The following PABIR3 variants were observed in gnomAD, a reference collection of about 807,000 sequenced individuals.
PABIR3 encodes PABIR family member 3.
A neutral mutation model predicts 23.1 loss-of-function variants in PABIR3; 20 were observed. That is an observed-to-expected ratio of 0.86 (90% CI 0.61 to 1.26). The LOEUF is 1.26. Ranked by LOEUF, PABIR3 falls within the 50% of genes most tolerant of loss-of-function variation. The pLI, the probability that PABIR3 is intolerant of heterozygous loss-of-function variation, is 0.00. For missense variants in PABIR3, 189 were observed against 195.4 expected, an observed-to-expected ratio of 0.97 and a Z score of 0.20; for synonymous variants, 69 against 68.5, an observed-to-expected ratio of 1.01 and a Z score of -0.04.
chrX:134,810,316 A>G, intron 2 of PABIR3: 1 of 754,319 alleles, frequency 1.3e-6, no homozygotes, highest in Non-Finnish European at 1.6e-6. Context: ...TTTTTTGCTT[A>G]TATTAGAGCA....
chrX:134,843,761 G>T (rs1569460171), intron 4 of PABIR3, among the ~76,000 whole-genome samples: 1 of 107,534 alleles, frequency 9.3e-6, no homozygotes, highest in South Asian at 4.1e-4. Context: ...TAGAGACGGG[G>T]TTTCACCATG....
chrX:134,838,659 T>TCCCCCC (rs1569457862), intron 4 of PABIR3: 4 of 1,487 alleles, frequency 2.7e-3, no homozygotes, highest in African/African-American at 3.6e-3. Flanking sequence ...CCCCTCCCCC[T>TCCCCCC]CCCCCCTCCC....
chrX:134,851,257 C>T (rs192483330), intron 9 of PABIR3, among the ~76,000 whole-genome samples: 52 of 111,422 alleles, frequency 4.7e-4, no homozygotes, highest in Admixed American at 3.8e-3. Flanking sequence ...GAGCATGGGC[C>T]GGGCACAGTG....
chrX:134,855,155 C>A (rs1476442723), downstream of PABIR3, among the ~76,000 whole-genome samples: 1 of 109,770 alleles, frequency 9.1e-6, no homozygotes, highest in Non-Finnish European at 1.9e-5. Context: ...TAAATTTAGG[C>A]TGGGCGTGGT....
At chrX:134,830,233 C>T (rs911063912) in intron 4 of PABIR3, among the ~76,000 whole-genome samples, 1 of 108,523 alleles carries the variant, frequency 9.2e-6, no homozygotes, top group African/African-American at 3.4e-5. Context: ...ACTCTTGCTT[C>T]TTTTCCCTCT....
At chrX:134,806,195 G>T, upstream of PABIR3, among the ~76,000 whole-genome samples, 1 of 112,380 alleles carries the variant, frequency 8.9e-6, no homozygotes, top group East Asian at 2.8e-4. Context: ...GATTTGCATT[G>T]ATACTAAATT....
At chrX:134,825,748 C>A (rs943186300) in intron 3 of PABIR3, among the ~76,000 whole-genome samples, 2 of 109,618 alleles carry the variant, frequency 1.8e-5, no homozygotes, top group Non-Finnish European at 3.8e-5. Flanking sequence ...CTGCAACCTC[C>A]GCCTCCCAGG....
chrX:134,804,765 AT>A (rs1323860422), upstream of PABIR3, among the ~76,000 whole-genome samples: 2 of 112,266 alleles, frequency 1.8e-5, no homozygotes, highest in Non-Finnish European at 3.8e-5. Context: ...CCTGCTTCAT[AT>A]TTTTCTGTTA....
At chrX:134,822,049 G>A (rs781255550) in intron 3 of PABIR3, 1 of 753,498 alleles carries the variant, frequency 1.3e-6, no homozygotes, top group African/African-American at 2.3e-5. Flanking sequence ...TTAGTAATTA[G>A]CTTCACCCAG....
downstream of PABIR3, among the ~76,000 whole-genome samples, chrX:134,856,192 T>TA (rs1262297729): frequency 3.7e-5 from 4 of 107,696 alleles, no homozygotes; most frequent in Non-Finnish European, 5.8e-5. Context: ...TCAGTTATTT[T>TA]TTTTTTTTTT....
intron 10 of PABIR3, among the ~76,000 whole-genome samples, chrX:134,853,620 TTTTTTTTTG>T (rs2082709942): frequency 9.1e-6 from 1 of 109,785 alleles, no homozygotes; most frequent in African/African-American, 3.3e-5. Flanking sequence ...TCTTTCTTTT[TTTTTTTTTG>T]TTTTGTTTTA....
At chrX:134,826,280 T>C (rs2081503308) in intron 3 of PABIR3, among the ~76,000 whole-genome samples, 1 of 111,773 alleles carries the variant, frequency 8.9e-6, no homozygotes. Context: ...CACTTTTCTG[T>C]TGCTTATGCT....
At chrX:134,833,444 C>T (rs1331230720) in intron 4 of PABIR3, among the ~76,000 whole-genome samples, 1 of 111,645 alleles carries the variant, frequency 9.0e-6, no homozygotes, top group Non-Finnish European at 1.9e-5. Flanking sequence ...TATATTTTTC[C>T]TAATTCTTAA....
At chrX:134,813,354 G>A (rs1376639066) in intron 2 of PABIR3, among the ~76,000 whole-genome samples, 2 of 112,228 alleles carry the variant, frequency 1.8e-5, no homozygotes, top group Non-Finnish European at 3.8e-5. Context: ...GAAGAGAGGC[G>A]AGGAGCCCAA....
intron 3 of PABIR3, among the ~76,000 whole-genome samples, chrX:134,827,480 G>A (rs1255245531): frequency 2.7e-5 from 3 of 110,759 alleles, no homozygotes; most frequent in Admixed American, 1.9e-4. Flanking sequence ...GTGACCCTGC[G>A]TCTAGTCCCT....
chrX:134,861,285 A>AC, the PABIR3 span, among the ~76,000 whole-genome samples: 4 of 108,807 alleles, frequency 3.7e-5, no homozygotes, highest in South Asian at 8.0e-4. Flanking sequence ...AAAAAAAAAA[A>AC]GGAAATAGTA....
At chrX:134,802,436 C>T (rs185634876), upstream of PABIR3, among the ~76,000 whole-genome samples, 51 of 111,219 alleles carry the variant, frequency 4.6e-4, no homozygotes, top group Middle Eastern at 0.014. Context: ...GACATCTCAG[C>T]GCTGGGGCCT....
intron 4 of PABIR3, among the ~76,000 whole-genome samples, chrX:134,833,478 A>G (rs1466651802): frequency 8.9e-6 from 1 of 112,080 alleles, no homozygotes; most frequent in Non-Finnish European, 1.9e-5. Flanking sequence ...AACTGATCCA[A>G]ACACAATCCA....
chrX:134,850,385 T>C (rs1201627230), intron 9 of PABIR3, among the ~76,000 whole-genome samples: 2 of 111,917 alleles, frequency 1.8e-5, no homozygotes, highest in African/African-American at 6.5e-5. Flanking sequence ...CATGTACTTT[T>C]TGTATTCTAA....
Sources: allele counts gnomAD v4.1 joint callset (sites outside exome capture counted in the v4.1 genomes callset), GRCh38; gene constraint gnomAD v4.1.1; transcripts MANE v1.5; gene names NCBI Gene and HGNC (gene_info 2026-07-23, HGNC 2026-07-21).